The following GPHN variants were observed in gnomAD, a reference collection of about 807,000 sequenced individuals.
The protein encoded by GPHN is gephyrin.
A neutral mutation model predicts 95.5 loss-of-function variants in GPHN; 17 were observed. The observed-to-expected ratio is 0.18, with a 90% CI of 0.12 to 0.27. GPHN has a LOEUF of 0.27. GPHN is among the 10% of genes least tolerant of loss of function. The probability of loss-of-function intolerance (pLI) is 1.00; values close to 1 mark genes in which losing one functional copy is unlikely to be tolerated. For missense variants in GPHN, 660 were observed against 978.1 expected (o/e 0.67, Z 4.34); for synonymous variants, 320 against 322.5 (o/e 0.99, Z 0.08).
chr14:67,311,156 C>A, the GPHN span, among the ~76,000 whole-genome samples: 1 of 151,848 alleles, frequency 6.6e-6, no homozygotes, highest in Non-Finnish European at 1.5e-5. Context: ...ACTAAACATA[C>A]AAAAATTAGC....
chr14:67,626,025 G>A, the GPHN span, among the ~76,000 whole-genome samples: 67 of 152,188 alleles, frequency 4.4e-4, no homozygotes, highest in African/African-American at 1.6e-3. Flanking sequence ...AGGCTGAGGC[G>A]GGCAGATCAT....
chr14:67,679,735 C>T, the GPHN span, among the ~76,000 whole-genome samples: 11 of 151,960 alleles, frequency 7.2e-5, no homozygotes, highest in Non-Finnish European at 1.3e-4. Flanking sequence ...TTTATAATTC[C>T]GATGCAGAAA....
At chr14:67,481,765 T>C in the GPHN span, among the ~76,000 whole-genome samples, 55,437 of 151,860 alleles carry the variant, frequency 0.37, 11,792 homozygotes, top group African/African-American at 0.58. Flanking sequence ...ACTCCCTATA[T>C]CCTTAGGCTC....
chr14:67,651,170 A>ATTT, the GPHN span: 2 of 1,008,408 alleles, frequency 2.0e-6, no homozygotes, highest in Admixed American at 2.8e-5. Flanking sequence ...CATAAACAGC[A>ATTT]TTTATTACCT....
chr14:66,509,623 G>C (rs777505603), intron 1 of GPHN, among the ~76,000 whole-genome samples: 11 of 152,188 alleles, frequency 7.2e-5, no homozygotes, highest in Admixed American at 2.0e-4. Context: ...TGAGTGGCGA[G>C]ACGGGGGTTA....
At chr14:67,230,601 C>CA in the GPHN span, among the ~76,000 whole-genome samples, 4 of 151,862 alleles carry the variant, frequency 2.6e-5, no homozygotes, top group African/African-American at 9.7e-5. Context: ...GATCAAATTT[C>CA]AAAAAAACTA....
chr14:66,953,810 A>T (rs549640785), intron 8 of GPHN, among the ~76,000 whole-genome samples: 3 of 152,190 alleles, frequency 2.0e-5, no homozygotes, highest in Non-Finnish European at 4.4e-5. Flanking sequence ...AGGTGGGCAG[A>T]TCACTTGAGG....
the GPHN span, among the ~76,000 whole-genome samples, chr14:67,602,848 G>T: frequency 6.6e-6 from 1 of 152,170 alleles, no homozygotes; most frequent in Non-Finnish European, 1.5e-5. Flanking sequence ...ATTATTTAAT[G>T]TGTCAATAAA....
chr14:67,646,768 G>A, the GPHN span: 1 of 1,571,164 alleles, frequency 6.4e-7, no homozygotes, highest in Non-Finnish European at 8.8e-7. Context: ...TGAAGTTTAG[G>A]GCCTGTCCTA....
the GPHN span, among the ~76,000 whole-genome samples, chr14:67,624,928 G>A: frequency 1.3e-5 from 2 of 152,146 alleles, no homozygotes. Flanking sequence ...CTGTAGCCTG[G>A]ACAACCGATA....
the GPHN span, among the ~76,000 whole-genome samples, chr14:67,428,086 A>C: frequency 1.3e-5 from 2 of 151,932 alleles, no homozygotes; most frequent in Non-Finnish European, 2.9e-5. Flanking sequence ...CACCCAGCTA[A>C]TTTTTGTATT....
chr14:67,392,477 C>T, the GPHN span: 3 of 1,412,046 alleles, frequency 2.1e-6, no homozygotes, highest in Non-Finnish European at 3.0e-6. Context: ...GACCCAGGCC[C>T]AGGCTATGGC....
intron 11 of GPHN, among the ~76,000 whole-genome samples, chr14:67,074,145 T>C (rs2076409565): frequency 6.6e-6 from 1 of 152,114 alleles, no homozygotes; most frequent in Non-Finnish European, 1.5e-5. Flanking sequence ...CTTATGAATG[T>C]TATACATGCA....
chr14:67,125,484 A>G lies in GPHN; in HGVS notation c.1748+3107A>G, dbSNP rs150964711. ...AAGCAGGGAGAGAAATAGCTCAAGA[A>G]TGTCAATAAGGGCGAGGTGCAGTGG... On this transcript the variant is annotated intron_variant, in intron 17 of 22. Transcript: ENST00000478722. Among the ~76,000 whole-genome samples the G allele has an allele frequency of 5.3e-5, 8 of 152,298 alleles. 1 individual carries two copies. Among genetic ancestry groups the G allele is most frequent in the Admixed American group, 2.6e-4 (4 of 15,294 alleles).
At chr14:66,754,263 T>C (rs2058481590) in intron 2 of GPHN, among the ~76,000 whole-genome samples, 2 of 152,100 alleles carry the variant, frequency 1.3e-5, no homozygotes, top group South Asian at 4.1e-4. Context: ...GACTCTGTCT[T>C]CAGCATTCTG....
the GPHN span, chr14:67,224,963 G>A: frequency 3.3e-6 from 2 of 614,476 alleles, no homozygotes; most frequent in Non-Finnish European, 5.4e-6. Context: ...TTTTTGATGA[G>A]GTGGTTAGAA....
chr14:67,328,407 A>G, the GPHN span, among the ~76,000 whole-genome samples: 17 of 152,272 alleles, frequency 1.1e-4, no homozygotes, highest in African/African-American at 3.6e-4. Context: ...GGTAGATGGT[A>G]AAAATTTTCT....
At chr14:66,776,242 T>TA (rs929363714) in intron 2 of GPHN, among the ~76,000 whole-genome samples, 5 of 152,094 alleles carry the variant, frequency 3.3e-5, no homozygotes, top group African/African-American at 1.2e-4. Flanking sequence ...TAGTTATGGG[T>TA]AAAAAATCTA....
rs144725774 is a variant in GPHN at position 67,158,550 on chromosome 14, T to C, written c.1837-865T>C. On this transcript the variant is annotated intron_variant, in intron 18 of 22. Transcript: ENST00000478722. ...ACAAATAAAAGTACCTAATAGTTTG[T>C]GAAATATTTAAAATGTAGACAGGTT... 3.1e-3 allele frequency among the ~76,000 whole-genome samples: 468 copies of C among 152,288 alleles called. 4 individuals carry two copies. Among genetic ancestry groups the C allele is most frequent in the Non-Finnish European group, 3.9e-3 (266 of 68,034 alleles).
Sources: allele counts gnomAD v4.1 joint callset (sites outside exome capture counted in the v4.1 genomes callset), GRCh38; gene constraint gnomAD v4.1.1; transcripts MANE v1.5; gene names NCBI Gene and HGNC (gene_info 2026-07-23, HGNC 2026-07-21).